Variants in SMYD3 observed in about 807,000 individuals in gnomAD.
SMYD3 encodes histone-lysine N-methyltransferase SMYD3.
SMYD3 carries 36 observed loss-of-function variants against 57.7 expected under a neutral mutation model. That is an observed-to-expected ratio of 0.62 (90% CI 0.48 to 0.82). The LOEUF (loss-of-function observed/expected upper bound fraction) is 0.82. Ranked by LOEUF, SMYD3 falls within the 40% of genes least tolerant of loss-of-function variation. The probability of loss-of-function intolerance (pLI) is 0.00; values close to 1 mark genes in which losing one functional copy is unlikely to be tolerated. For missense variants in SMYD3, 515 were observed against 538.8 expected, an observed-to-expected ratio of 0.96 and a Z score of 0.44; for synonymous variants, 211 against 195.0, an observed-to-expected ratio of 1.08 and a Z score of -0.68.
intron 5 of SMYD3, among the ~76,000 whole-genome samples, chr1:246,193,005 G>T (rs753051469): frequency 4.9e-4 from 75 of 151,930 alleles, no homozygotes; most frequent in Non-Finnish European, 9.6e-4. Context: ...GTTCTAATAA[G>T]TACAGCCAAA....
chr1:246,095,264 AG>A (rs1219451030), intron 5 of SMYD3, among the ~76,000 whole-genome samples: 3 of 152,214 alleles, frequency 2.0e-5, no homozygotes, highest in Non-Finnish European at 4.4e-5. Context: ...TCCAGGAGAA[AG>A]GGGAAGGAGC....
intron 1 of SMYD3, among the ~76,000 whole-genome samples, chr1:246,387,535 C>G (rs2066505473): frequency 6.6e-6 from 1 of 152,154 alleles, no homozygotes; most frequent in African/African-American, 2.4e-5. Context: ...TTAAAAGTAC[C>G]TGGCTTCCTG....
At position 245,842,238 on chromosome 1, in the gene SMYD3, A is replaced by G. The variant is rs148773411; in HGVS notation, c.1076+16258T>C. Among the ~76,000 whole-genome samples the G allele has an allele frequency of 2.6e-5, 4 of 152,342 alleles. No homozygotes were observed. The East Asian group carries it at 7.7e-4, about 29-fold the overall frequency. On this transcript the variant is annotated intron_variant, in intron 10 of 11. Coordinates refer to ENST00000490107, the MANE Select transcript of SMYD3 (RefSeq NM_001167740.2). Reference sequence around the variant, plus strand: ...AGAAAAGCATCTTTCATTGTCAGCAAAACAGGATCAAACACTTAGTAGACA... The same window carrying G: ...AGAAAAGCATCTTTCATTGTCAGCAGAACAGGATCAAACACTTAGTAGACA...
At chr1:246,421,223 C>T (rs2067138607) in intron 1 of SMYD3, among the ~76,000 whole-genome samples, 1 of 151,844 alleles carries the variant, frequency 6.6e-6, no homozygotes, top group South Asian at 2.1e-4. Flanking sequence ...TTGTATTACA[C>T]AAAACTACCA....
rs186447994 is a variant in SMYD3, at chr1:245,915,039, C to T, written c.813+491G>A. Among the ~76,000 whole-genome samples, 463 of 152,210 alleles carry T rather than the reference C, an allele frequency of 3.0e-3. 1 individual carries two copies. The highest frequency in any genetic ancestry group is 0.011 in the African/African-American group (450 of 41,528). ...CTTGATTTTGATGGCAGTTTCATGA[C>T]TGGGTTTGTTGAAATCATAGAACTG... On this transcript the variant is annotated intron_variant, in intron 8 of 11. Transcript: ENST00000490107.
At position 245,922,952 on chromosome 1, in the gene SMYD3, G is replaced by A. The variant is rs1037408980; in HGVS notation, c.702+4979C>T. 8.5e-5 allele frequency among the ~76,000 whole-genome samples: 13 copies of A among 152,210 alleles called. 1 individual carries two copies. Among genetic ancestry groups the A allele is most frequent in the African/African-American group, 3.1e-4 (13 of 41,544 alleles). On this transcript the variant is annotated intron_variant, in intron 7 of 11. Coordinates refer to ENST00000490107, the MANE Select transcript of SMYD3 (RefSeq NM_001167740.2). ...CTCAATTTTGTAGTCCTTGGGTTTTGTTTTTTGTTTTTACCTATTAGGCTT... is the reference window on the plus strand; with the variant it reads ...CTCAATTTTGTAGTCCTTGGGTTTTATTTTTTGTTTTTACCTATTAGGCTT...
chr1:246,457,676 A>G lies in SMYD3; in HGVS notation c.164+49378T>C, dbSNP rs529187385. Among the ~76,000 whole-genome samples, 149 of 152,278 alleles carry G rather than the reference A, an allele frequency of 9.8e-4. 1 individual carries two copies. The highest frequency in any genetic ancestry group is 1.7e-3 in the Non-Finnish European group (116 of 68,006). ...CCTCCAACCATTCTCCCACATAATC[A>G]ATACTACATTCACAATCAATATTCT... On this transcript the variant is annotated intron_variant, in intron 1 of 11. Coordinates refer to ENST00000490107, the MANE Select transcript of SMYD3 (RefSeq NM_001167740.2).
intron 10 of SMYD3, among the ~76,000 whole-genome samples, chr1:245,836,642 T>TG (rs1350787177): frequency 6.6e-6 from 1 of 152,218 alleles, no homozygotes; most frequent in Admixed American, 6.5e-5. Context: ...GCCTTGCTTG[T>TG]GGCATCCATT....
chr1:245,967,126 T>C (rs2058174321), intron 5 of SMYD3, among the ~76,000 whole-genome samples: 2 of 152,334 alleles, frequency 1.3e-5, no homozygotes, highest in African/African-American at 2.4e-5. Flanking sequence ...TCTATGGTGA[T>C]GGATGATTTC....
At chr1:246,441,164 T>G (rs2067457620) in intron 1 of SMYD3, among the ~76,000 whole-genome samples, 1 of 152,184 alleles carries the variant, frequency 6.6e-6, no homozygotes, top group South Asian at 2.1e-4. Flanking sequence ...AAGAACCGAC[T>G]AGGAGTTTAC....
rs115171189 is a variant in SMYD3, at chr1:246,385,401, G to A, written c.165-30307C>T. ...ATACTTAAAATTCACATGGCACTACGGGCTTTTAAAGTATTTTATAAATAT... is the reference window on the plus strand; with the variant it reads ...ATACTTAAAATTCACATGGCACTACAGGCTTTTAAAGTATTTTATAAATAT... On this transcript the variant is annotated intron_variant, in intron 1 of 11. Coordinates refer to ENST00000490107, the MANE Select transcript of SMYD3 (RefSeq NM_001167740.2). Among the ~76,000 whole-genome samples, 962 of 148,092 alleles carry A rather than the reference G, an allele frequency of 6.5e-3. 12 individuals carry two copies. The highest frequency in any genetic ancestry group is 0.022 in the African/African-American group (896 of 40,352).
intron 5 of SMYD3, among the ~76,000 whole-genome samples, chr1:246,216,148 G>A (rs1228864040): frequency 5.3e-5 from 8 of 151,974 alleles, no homozygotes; most frequent in African/African-American, 9.7e-5. Context: ...TTAGCCAAGC[G>A]TGATGGTGCA....
intron 5 of SMYD3, among the ~76,000 whole-genome samples, chr1:246,205,518 T>G (rs1159447560): frequency 6.6e-6 from 1 of 152,138 alleles, no homozygotes; most frequent in Admixed American, 6.6e-5. Flanking sequence ...TAGACAGGAC[T>G]AGATTAAAAG....
chr1:246,369,409 A>T (rs1440642447), intron 1 of SMYD3, among the ~76,000 whole-genome samples: 1 of 152,224 alleles, frequency 6.6e-6, no homozygotes, highest in Non-Finnish European at 1.5e-5. Context: ...CAGAATTTTT[A>T]AAAATTGAAG....
At chr1:246,123,860 A>C (rs2061464675) in intron 5 of SMYD3, among the ~76,000 whole-genome samples, 2 of 152,136 alleles carry the variant, frequency 1.3e-5, no homozygotes, top group Non-Finnish European at 2.9e-5. Flanking sequence ...CCGTTAACGA[A>C]ATGGCAACCC....
At chr1:246,223,703 C>T (rs1358931124) in intron 5 of SMYD3, among the ~76,000 whole-genome samples, 1 of 152,076 alleles carries the variant, frequency 6.6e-6, no homozygotes, top group African/African-American at 2.4e-5. Flanking sequence ...TTGACCTAAC[C>T]TTAGAGTCAC....
chr1:246,491,750 G>A (rs537234946), intron 1 of SMYD3, among the ~76,000 whole-genome samples: 21 of 152,276 alleles, frequency 1.4e-4, no homozygotes, highest in African/African-American at 5.1e-4. Flanking sequence ...GGAACTGACC[G>A]ATACTATCAG....
intron 10 of SMYD3, among the ~76,000 whole-genome samples, chr1:245,824,759 G>A (rs1300174004): frequency 6.6e-6 from 1 of 152,028 alleles, no homozygotes; most frequent in Non-Finnish European, 1.5e-5. Context: ...GGGCGGCTGA[G>A]GCGGGAGAAT....
At chr1:246,458,448 T>G (rs2067738492) in intron 1 of SMYD3, among the ~76,000 whole-genome samples, 1 of 119,260 alleles carries the variant, frequency 8.4e-6, no homozygotes. Context: ...CTTTTTTTTT[T>G]TTTTTTTTTT....
Sources: gnomAD v4.1 joint callset for allele counts (sites outside exome capture counted in the v4.1 genomes callset) on GRCh38, gnomAD v4.1.1 for gene constraint, MANE v1.5 for transcripts, NCBI Gene and HGNC (gene_info 2026-07-23, HGNC 2026-07-21) for gene names.